The following OPCML variants were observed in gnomAD, a reference collection of about 807,000 sequenced individuals.
OPCML encodes the protein opioid binding protein/cell adhesion molecule like.
OPCML carries 13 observed loss-of-function variants against 37.8 expected under a neutral mutation model. The observed-to-expected ratio is 0.34, with a 90% CI of 0.22 to 0.55. The LOEUF (loss-of-function observed/expected upper bound fraction) is 0.55. Ranked by LOEUF, OPCML falls within the 20% of genes least tolerant of loss-of-function variation. The pLI, the probability that OPCML is intolerant of heterozygous loss-of-function variation, is 0.91. For synonymous variants in OPCML, 176 were observed against 168.8 expected, an observed-to-expected ratio of 1.04 and a Z score of -0.33; for missense variants, 341 against 435.6, an observed-to-expected ratio of 0.78 and a Z score of 1.93.
chr11:133,429,737 T>C (rs371189278), intron 1 of OPCML, among the ~76,000 whole-genome samples: 18 of 152,156 alleles, frequency 1.2e-4, no homozygotes, highest in African/African-American at 4.3e-4. Context: ...AGGATGTAAG[T>C]TTCCATTAGC....
rs1158884610 is a variant in OPCML at position 132,418,918 on chromosome 11, A to C, written c.*1275T>G. 1 of 152,650 alleles carries C rather than the reference A, an allele frequency of 6.6e-6. No homozygotes were observed. The highest frequency in any genetic ancestry group is 1.9e-4 in the East Asian group (1 of 5,188). 9.5% of individuals were successfully genotyped at this position (152,650 alleles called of 1,614,324 possible). ...CCACAGTGCTAATCAAAACTTTTCT[A>C]GGCTGATCTGCTTCCCAAGAAAGTG... is the stretch of plus-strand genomic sequence containing the variant. On this transcript the variant is annotated 3_prime_UTR_variant, in exon 8 of 8. Transcript: ENST00000524381.
At chr11:133,016,503 G>C (rs1474023198) in intron 1 of OPCML, among the ~76,000 whole-genome samples, 1 of 152,132 alleles carries the variant, frequency 6.6e-6, no homozygotes. Flanking sequence ...GCTGGAGAAA[G>C]TTTCTTGCTT....
rs373378792 is a variant in OPCML at position 132,420,165 on chromosome 11, C to T, written c.*28G>A. The T allele has an allele frequency of 5.4e-5, 86 of 1,596,390 alleles. No individual in the cohort carries two copies. The highest frequency in any genetic ancestry group is 3.8e-4 in the African/African-American group (28 of 74,428). On this transcript the variant is annotated 3_prime_UTR_variant, in exon 8 of 8. Coordinates refer to ENST00000524381, the MANE Select transcript of OPCML (RefSeq NM_001012393.5). The stretch of plus-strand genomic sequence containing the variant: ...AAAGTCTGTGATATGGAGAAGCAGG[C>T]GTTGCTCAGAGGACCTAGGATTTCT...
chr11:133,459,326 G>T (rs1946804407), intron 1 of OPCML, among the ~76,000 whole-genome samples: 1 of 151,832 alleles, frequency 6.6e-6, no homozygotes, highest in Non-Finnish European at 1.5e-5. Context: ...GACACAAAAG[G>T]CTCTAAGACA....
chr11:133,411,999 A>G (rs955885810), intron 1 of OPCML, among the ~76,000 whole-genome samples: 3 of 152,170 alleles, frequency 2.0e-5, no homozygotes, highest in Non-Finnish European at 2.9e-5. Flanking sequence ...CCCCCTCCAG[A>G]TCTGTCTATC....
chr11:132,742,761 C>A (rs9666554), intron 2 of OPCML, among the ~76,000 whole-genome samples: 33 of 148,018 alleles, frequency 2.2e-4, no homozygotes, highest in Middle Eastern at 7.2e-3. Flanking sequence ...TATACTTATA[C>A]GTTATATATA....
At chr11:133,510,141 A>T (rs1364030862) in intron 1 of OPCML, among the ~76,000 whole-genome samples, 1 of 152,108 alleles carries the variant, frequency 6.6e-6, no homozygotes, top group Non-Finnish European at 1.5e-5. Flanking sequence ...TTCCTGACAC[A>T]CAAGTTTGAG....
chr11:132,836,409 C>T (rs746284738), intron 2 of OPCML, among the ~76,000 whole-genome samples: 2 of 152,112 alleles, frequency 1.3e-5, no homozygotes, highest in Admixed American at 6.5e-5. Flanking sequence ...CCTCAGGATT[C>T]TCTGAGAAAT....
chr11:132,737,083 T>C (rs920970689), intron 2 of OPCML, among the ~76,000 whole-genome samples: 2 of 152,186 alleles, frequency 1.3e-5, no homozygotes, highest in African/African-American at 4.8e-5. Flanking sequence ...ATGTGGACAC[T>C]GTTGTCTCCT....
intron 2 of OPCML, among the ~76,000 whole-genome samples, chr11:132,756,100 C>G (rs982862779): frequency 6.6e-6 from 1 of 152,196 alleles, no homozygotes; most frequent in Non-Finnish European, 1.5e-5. Flanking sequence ...CTCATGACCT[C>G]CTGACCAGGG....
At chr11:132,555,162 A>G (rs2096392272) in intron 3 of OPCML, among the ~76,000 whole-genome samples, 1 of 152,066 alleles carries the variant, frequency 6.6e-6, no homozygotes, top group Non-Finnish European at 1.5e-5. Flanking sequence ...CTAGAGAGAA[A>G]CATGCATTTT....
At chr11:132,717,619 A>C (rs572316593) in intron 2 of OPCML, among the ~76,000 whole-genome samples, 1 of 152,338 alleles carries the variant, frequency 6.6e-6, no homozygotes, top group East Asian at 1.9e-4. Context: ...TTCTAAGATT[A>C]ACATATATCG....
At chr11:133,156,509 C>T (rs1950064717) in intron 1 of OPCML, among the ~76,000 whole-genome samples, 1 of 152,232 alleles carries the variant, frequency 6.6e-6, no homozygotes, top group Non-Finnish European at 1.5e-5. Flanking sequence ...TCTCTATTTG[C>T]TCCTCTCATC....
intron 3 of OPCML, among the ~76,000 whole-genome samples, chr11:132,535,402 G>C (rs2096337955): frequency 6.6e-6 from 1 of 151,970 alleles, no homozygotes; most frequent in Non-Finnish European, 1.5e-5. Flanking sequence ...GCCCAGCCAG[G>C]ACCCAGACCT....
chr11:132,992,098 T>C lies in OPCML; in HGVS notation c.62-49088A>G, dbSNP rs865847848. 8.5e-5 allele frequency among the ~76,000 whole-genome samples: 13 copies of C among 152,192 alleles called. No homozygotes were observed. The South Asian group carries it at 2.3e-3, about 27-fold the overall frequency. On this transcript the variant is annotated intron_variant, in intron 1 of 7. Coordinates refer to ENST00000524381, the MANE Select transcript of OPCML (RefSeq NM_001012393.5). ...CATTGTATTGATGAAGAAGCTAAGG[T>C]TCAGAAATGCTAAGTTATCTTCCCA...
chr11:132,429,565 G>T (rs1396993548), intron 7 of OPCML, among the ~76,000 whole-genome samples: 5 of 152,172 alleles, frequency 3.3e-5, no homozygotes, highest in Non-Finnish European at 4.4e-5. Context: ...GCGGAGAAGG[G>T]CTGCCTTTGA....
chr11:132,901,494 T>G (rs747944556), intron 2 of OPCML, among the ~76,000 whole-genome samples: 42 of 152,212 alleles, frequency 2.8e-4, no homozygotes, highest in Non-Finnish European at 1.9e-4. Context: ...AGACTCTCAA[T>G]CACGGTTTGC....
At chr11:133,514,844 T>A (rs931273374) in intron 1 of OPCML, among the ~76,000 whole-genome samples, 1 of 152,204 alleles carries the variant, frequency 6.6e-6, no homozygotes, top group Non-Finnish European at 1.5e-5. Flanking sequence ...AAGTCTACCC[T>A]AAGAAAGTTG....
rs538476869 is a variant in OPCML at position 132,792,874 on chromosome 11, G to A, written c.147-135555C>T. Among the ~76,000 whole-genome samples, 30 of 152,266 alleles carry A rather than the reference G, an allele frequency of 2.0e-4. No individual in the cohort carries two copies. In the South Asian group the frequency reaches 4.8e-3, roughly 24 times the overall value. On this transcript the variant is annotated intron_variant, in intron 2 of 7. Coordinates refer to ENST00000524381, the MANE Select transcript of OPCML (RefSeq NM_001012393.5). The stretch of plus-strand genomic sequence containing the variant: ...CGCCGGGCCCGGGCAGCACAGCAGC[G>A]CCCGTGTCTGTCTAATCCCTACCTG...
Sources: gnomAD v4.1 joint callset for allele counts (sites outside exome capture counted in the v4.1 genomes callset) on GRCh38, gnomAD v4.1.1 for gene constraint, MANE v1.5 for transcripts, NCBI Gene and HGNC (gene_info 2026-07-23, HGNC 2026-07-21) for gene names.